WBP11: variants seen among roughly 807,000 people sequenced by gnomAD.
The protein encoded by WBP11 is WW domain-binding protein 11.
Under a neutral mutation model 66.7 loss-of-function variants are expected in WBP11, and 12 were observed. That is an observed-to-expected ratio of 0.18 (90% CI 0.12 to 0.29). The LOEUF (loss-of-function observed/expected upper bound fraction) is 0.29, where lower values mean the gene tolerates loss of function less well. Among genes scored for constraint, WBP11 ranks in the 10% least tolerant of loss-of-function variants. WBP11 has a pLI of 1.00. For synonymous variants in WBP11, 255 were observed against 273.8 expected, an observed-to-expected ratio of 0.93 and a Z score of 0.68; for missense variants, 555 against 818.3, an observed-to-expected ratio of 0.68 and a Z score of 3.93.
In WBP11 at chr12:14,796,855, T is replaced by G; in HGVS notation, c.339A>C (p.Glu113Asp). The change falls in exon 5 of 12, where the codon GAA (glutamate) becomes GAC (aspartate). Residue 113 changes from glutamate to aspartate, a missense_variant. This residue lies in a region of WBP11 where 43 missense variants were observed against 142.1 expected (regional missense o/e 0.30). Coordinates refer to ENST00000261167, the MANE Select transcript of WBP11 (RefSeq NM_016312.3). This position sits in a 1 kb window ranked among gnomAD's most constrained non-coding sequence, Gnocchi z 4.5. ...TAAGTTGAGCCCTCTTCTGTTCATA[T>G]TCTACTTCTAGCTTTCTCAATTCTT... ...IYKELRKLEVEYEQKRAQLSQ... is the reference protein window; with the variant it reads ...IYKELRKLEVDYEQKRAQLSQ... The G allele has an allele frequency of 6.2e-7, 1 of 1,611,504 alleles. No homozygotes were observed.
chr12:14,794,943 C>T, intron 6 of WBP11, 28 bp downstream of exon 6: 1 of 1,612,110 alleles, frequency 6.2e-7, no homozygotes, highest in Non-Finnish European at 8.5e-7. Context: ...TTACTAAATG[C>T]TCTCTGATTG....
At position 14,789,129 on chromosome 12, in the gene WBP11, A is replaced by G. The variant is rs752115693; in HGVS notation, c.1314T>C (p.Ala438=). 6.5e-7 allele frequency: 1 copy of G among 1,532,484 alleles called. No individual in the cohort carries two copies. The highest frequency in any genetic ancestry group is 1.3e-5 in the South Asian group (1 of 75,896). 94.9% of individuals were successfully genotyped at this position (1,532,484 alleles called of 1,614,324 possible). A position where few individuals can be genotyped will look rare whatever the true frequency, so the allele number is the denominator to read the frequency against. ...TTCCAGGTGGTCTCAGGAATGGAGG[A>G]GCTCCTGAAAAGAGAAAAATGATAA... ...TGLPPGPPPG[A]PPFLRPPGMP... The change falls in exon 11 of 12, where the codon GCT becomes GCC. Residue 438 remains alanine, a synonymous_variant. Coordinates refer to ENST00000261167, the MANE Select transcript of WBP11 (RefSeq NM_016312.3).
intron 9 of WBP11, 90 bp downstream of exon 9, chr12:14,791,077 AGG>A (rs1267737722): frequency 3.2e-6 from 4 of 1,238,614 alleles, no homozygotes; most frequent in Non-Finnish European, 4.6e-6. Flanking sequence ...ACTTACTTGA[AGG>A]TTGCTGAGAT....
intron 7 of WBP11, 75 bp downstream of exon 7, chr12:14,794,462 G>T (rs1592219520): frequency 6.6e-7 from 1 of 1,505,160 alleles, no homozygotes; most frequent in East Asian, 2.3e-5. Context: ...AGTTCTGAGG[G>T]TGGTGAACAA....
rs1282259191 is a variant in WBP11 at position 14,785,175 on chromosome 12, G to A, written c.*1890C>T. On this transcript the variant is annotated 3_prime_UTR_variant, in exon 12 of 12. Transcript: ENST00000261167. The stretch of plus-strand genomic sequence containing the variant: ...AGTTCCAACTACTTGGGAGGCTGAG[G>A]CCAGAGATCACTTGAACCCAGGAGT... The A allele has an allele frequency of 6.6e-6, 1 of 152,174 alleles. No individual in the cohort carries two copies. Among genetic ancestry groups the A allele is most frequent in the East Asian group, 1.9e-4 (1 of 5,196 alleles). The allele number at this position is 152,174 out of a possible 1,614,324, so 9.4% of individuals were successfully genotyped here. A position where few individuals can be genotyped will look rare whatever the true frequency, so the allele number is the denominator to read the frequency against.
intron 5 of WBP11, among the ~76,000 whole-genome samples, chr12:14,795,981 ATTCAGTAAGTT>A: frequency 6.6e-6 from 1 of 152,146 alleles, no homozygotes; most frequent in Non-Finnish European, 1.5e-5. Context: ...AAATTTACAA[ATTCAGTAAGTT>A]TTGACAAATG....
Position 14,789,108 on chromosome 12 carries a change from A to T in WBP11, c.1335T>A (p.Pro445=). 6.5e-7 allele frequency: 1 copy of T among 1,530,556 alleles called. No individual in the cohort carries two copies. Among genetic ancestry groups the T allele is most frequent in the Non-Finnish European group, 8.7e-7 (1 of 1,149,846 alleles). The allele number at this position is 1,530,556 out of a possible 1,614,324, so 94.8% of individuals were successfully genotyped here. ...AGGGCCCTCGGAGTCCTGGCATTCCAGGTGGTCTCAGGAATGGAGGAGCTC... is the reference window on the plus strand; with the variant it reads ...AGGGCCCTCGGAGTCCTGGCATTCCTGGTGGTCTCAGGAATGGAGGAGCTC... ...PPGAPPFLRP[P]GMPGLRGPLP... The change falls in exon 11 of 12, where the codon CCT becomes CCA. Residue 445 remains proline (P), a synonymous_variant. Coordinates refer to ENST00000261167, the MANE Select transcript of WBP11 (RefSeq NM_016312.3).
intron 8 of WBP11, among the ~76,000 whole-genome samples, chr12:14,793,333 G>A (rs1275297483): frequency 1.3e-5 from 2 of 152,052 alleles, no homozygotes; most frequent in African/African-American, 4.8e-5. Flanking sequence ...TATGATCCTG[G>A]TTCATGTAAG....
chr12:14,795,218 A>C, intron 5 of WBP11, 114 bp from the exon 6 acceptor site: 1 of 1,162,872 alleles, frequency 8.6e-7, no homozygotes, highest in Non-Finnish European at 1.2e-6. Flanking sequence ...TAACATAAAT[A>C]TCACCAAAAA....
At chr12:14,800,633 A>C in intron 3 of WBP11, 119 bp downstream of exon 3, 1 of 994,318 alleles carries the variant, frequency 1.0e-6, no homozygotes, top group Non-Finnish European at 1.5e-6. Context: ...TTTTTATAAA[A>C]AGCATAAAGT....
At chr12:14,793,619 ATCCCGACT>A (rs1370313239) in intron 8 of WBP11, 104 bp downstream of exon 8, 1 of 1,306,258 alleles carries the variant, frequency 7.7e-7, no homozygotes, top group Non-Finnish European at 1.1e-6. Context: ...CACAGCTATG[ATCCCGACT>A]TCCAAAGATT....
chr12:14,802,489 G>A (rs770793045), intron 1 of WBP11, among the ~76,000 whole-genome samples: 4 of 152,136 alleles, frequency 2.6e-5, no homozygotes, highest in Non-Finnish European at 5.9e-5. Context: ...CGGTATCAAA[G>A]GCTCTGATTT....
At chr12:14,802,477 A>C (rs1014510082) in intron 1 of WBP11, among the ~76,000 whole-genome samples, 1 of 152,238 alleles carries the variant, frequency 6.6e-6, no homozygotes, top group African/African-American at 2.4e-5. Context: ...ACTTCAAGAC[A>C]GCGGTATCAA....
Position 14,786,790 on chromosome 12 carries a change from A to G in WBP11, c.*275T>C, listed in dbSNP as rs1168473275. On this transcript the variant is annotated 3_prime_UTR_variant, in exon 12 of 12. Coordinates refer to ENST00000261167, the MANE Select transcript of WBP11 (RefSeq NM_016312.3). ...TAAGATCCCCCGATCACAAATTTCC[A>G]AAGAACTGGAGGAGGGGAAGAAACA... is the stretch of plus-strand genomic sequence containing the variant. The G allele has an allele frequency of 3.3e-6, 1 of 306,568 alleles. No homozygotes were observed. The highest frequency in any genetic ancestry group is 5.6e-5 in the East Asian group (1 of 17,848). The allele number at this position is 306,568 out of a possible 1,614,324, so 19.0% of individuals were successfully genotyped here. A position where few individuals can be genotyped will look rare whatever the true frequency, so the allele number is the denominator to read the frequency against.
chr12:14,790,388 A>G, intron 10 of WBP11, 68 bp downstream of exon 10: 3 of 1,537,648 alleles, frequency 2.0e-6, no homozygotes, highest in East Asian at 4.5e-5. Flanking sequence ...CTAACAACAC[A>G]TAGTATTTTT....
chr12:14,794,578 G>A lies in WBP11; in HGVS notation c.680C>T (p.Pro227Leu). ...TAACATGTCTTCATCTCGCCTACGAGGGGGAAGATCTAGGGCAAAACCCAC... is the reference window on the plus strand; with the variant it reads ...TAACATGTCTTCATCTCGCCTACGAAGGGGAAGATCTAGGGCAAAACCCAC... Reference protein sequence around the residue: ...RKVGFALDLPPRRRDEDMLYS... With the variant: ...RKVGFALDLPLRRRDEDMLYS... Residue 227 changes from proline (P) to leucine (L), a missense_variant, in exon 7 of 12, where the codon CCT becomes CTT. Transcript: ENST00000261167. The A allele has an allele frequency of 1.8e-5, 29 of 1,614,054 alleles. No individual in the cohort carries two copies. Among genetic ancestry groups the A allele is most frequent in the Non-Finnish European group, 2.5e-5 (29 of 1,180,012 alleles).
At chr12:14,791,969 T>C (rs1383984689) in intron 8 of WBP11, among the ~76,000 whole-genome samples, 1 of 148,096 alleles carries the variant, frequency 6.8e-6, no homozygotes, top group Non-Finnish European at 1.5e-5. Flanking sequence ...CAATGGACTT[T>C]GGGGACTCAG....
intron 6 of WBP11, 96 bp from the exon 7 acceptor site, chr12:14,794,832 TTTC>T: frequency 6.5e-7 from 1 of 1,544,164 alleles, no homozygotes; most frequent in East Asian, 2.2e-5. Flanking sequence ...TTTCAAGGGA[TTTC>T]TTATTTTACA....
intron 8 of WBP11, among the ~76,000 whole-genome samples, chr12:14,793,171 G>A (rs1320810303): frequency 6.6e-6 from 1 of 152,170 alleles, no homozygotes; most frequent in Admixed American, 6.5e-5. Flanking sequence ...AGGTTTGACA[G>A]AATTGGTGTG....
Sources: allele counts gnomAD v4.1 joint callset (sites outside exome capture counted in the v4.1 genomes callset), GRCh38; gene constraint gnomAD v4.1.1; regional missense constraint gnomAD v4.1.1; non-coding constraint Gnocchi (gnomAD v3.1); transcripts MANE v1.5; gene names NCBI Gene and HGNC (gene_info 2026-07-23, HGNC 2026-07-21).